CHEK1: variants seen among roughly 807,000 people sequenced by gnomAD.
CHEK1 encodes the protein serine/threonine-protein kinase Chk1.
Under a neutral mutation model 60.2 loss-of-function variants are expected in CHEK1, and 32 were observed. The ratio of observed to expected loss-of-function variants is 0.53; its 90% CI spans 0.40 to 0.71. The LOEUF is 0.71. CHEK1 is among the 30% of genes least tolerant of loss of function. The pLI, the probability that CHEK1 is intolerant of heterozygous loss-of-function variation, is 0.00. For synonymous variants in CHEK1, 179 were observed against 187.2 expected, an observed-to-expected ratio of 0.96 and a Z score of 0.36; for missense variants, 399 against 564.6, an observed-to-expected ratio of 0.71 and a Z score of 2.97.
intron 11 of CHEK1, among the ~76,000 whole-genome samples, chr11:125,644,900 C>T (rs1160761309): frequency 6.6e-5 from 10 of 151,850 alleles, no homozygotes; most frequent in African/African-American, 2.2e-4. Flanking sequence ...CCCAGCTTCT[C>T]GGGAGGCTGA....
chr11:125,627,333 G>A (rs185105528), intron 2 of CHEK1, among the ~76,000 whole-genome samples: 1 of 152,336 alleles, frequency 6.6e-6, no homozygotes, highest in East Asian at 1.9e-4. Context: ...ATGTATATAT[G>A]TGATGTGGCT....
chr11:125,647,112 A>G (rs971269813), intron 11 of CHEK1, among the ~76,000 whole-genome samples: 1 of 152,182 alleles, frequency 6.6e-6, no homozygotes, highest in African/African-American at 2.4e-5. Flanking sequence ...AGCGGGGACT[A>G]CAGTCTTAAA....
intron 11 of CHEK1, 23 bp downstream of exon 11, chr11:125,644,666 A>G: frequency 1.9e-6 from 3 of 1,606,104 alleles, no homozygotes; most frequent in South Asian, 1.1e-5. Context: ...GATTTTCATT[A>G]TACCTTTTCC....
chr11:125,625,656 G>C lies in CHEK1; in HGVS notation c.-377G>C, dbSNP rs1309056664. 1.7e-6 allele frequency: 1 copy of C among 600,968 alleles called. No individual in the cohort carries two copies. Among genetic ancestry groups the C allele is most frequent in the Non-Finnish European group, 3.0e-6 (1 of 334,732 alleles). 37.2% of individuals were successfully genotyped at this position (600,968 alleles called of 1,614,324 possible). On this transcript the variant is annotated 5_prime_UTR_variant, in exon 1 of 13. Coordinates refer to ENST00000438015, the MANE Select transcript of CHEK1 (RefSeq NM_001114122.3). ...GCAGCGCGGTCGGTCGCGCGCCCCTGAGGCTTGGAGGCCTGGGCTTCCCCC... is the reference window on the plus strand; with the variant it reads ...GCAGCGCGGTCGGTCGCGCGCCCCTCAGGCTTGGAGGCCTGGGCTTCCCCC...
chr11:125,663,607 C>T (rs1370758602), intron 13 of CHEK1, among the ~76,000 whole-genome samples: 1 of 151,950 alleles, frequency 6.6e-6, no homozygotes, highest in African/African-American at 2.4e-5. Flanking sequence ...TCTTCCTTTC[C>T]ATAGATTGTC....
downstream of CHEK1, among the ~76,000 whole-genome samples, chr11:125,679,228 T>TTTTTTTTTTTTTG (rs1454887323): frequency 1.4e-5 from 2 of 145,550 alleles, no homozygotes; most frequent in African/African-American, 5.1e-5. Flanking sequence ...TTTTTTTTTT[T>TTTTTTTTTTTTTG]TGTTTCAAAG....
At chr11:125,651,558 G>C (rs1305332406) in intron 11 of CHEK1, among the ~76,000 whole-genome samples, 1 of 152,122 alleles carries the variant, frequency 6.6e-6, no homozygotes, top group Non-Finnish European at 1.5e-5. Context: ...CAAGTGTTGG[G>C]ATTACAGGCA....
intron 8 of CHEK1, among the ~76,000 whole-genome samples, chr11:125,640,539 CAA>C (rs35982773): frequency 2.1e-4 from 21 of 100,206 alleles, no homozygotes; most frequent in Non-Finnish European, 2.1e-4. Context: ...GACTCCGTCT[CAA>C]AAAAAAAAAA....
intron 13 of CHEK1, chr11:125,672,310 A>G (rs752468420): frequency 1.8e-5 from 5 of 284,244 alleles, no homozygotes; most frequent in African/African-American, 8.8e-5. Context: ...AATGGGGGAA[A>G]AAAAGGTCTG....
At chr11:125,644,827 G>T (rs1941440704) in intron 11 of CHEK1, among the ~76,000 whole-genome samples, 184 bp downstream of exon 11, 1 of 152,062 alleles carries the variant, frequency 6.6e-6, no homozygotes, top group African/African-American at 2.4e-5. Flanking sequence ...TGGCCAACAT[G>T]GTAAGACCCT....
downstream of CHEK1, chr11:125,657,264 A>T (rs907231662): frequency 1.8e-5 from 2 of 113,910 alleles, no homozygotes; most frequent in African/African-American, 3.1e-5. Context: ...TAATTATATA[A>T]AAATATGTGT....
rs550412202 is a variant in CHEK1 at position 125,656,941 on chromosome 11, A to G, written c.*1621A>G. On this transcript the variant is annotated 3_prime_UTR_variant, in exon 13 of 13. Transcript: ENST00000438015. ...TCTGAACACTGGTAATTGCCTCAGT[A>G]AAGACACTGATAATAAGTACCTTTT... The G allele has an allele frequency of 8.2e-4, 165 of 201,974 alleles. No homozygotes were observed. Among genetic ancestry groups the G allele is most frequent in the African/African-American group, 3.6e-3 (156 of 43,678 alleles). The allele number at this position is 201,974 out of a possible 1,614,324, so 12.5% of individuals were successfully genotyped here.
chr11:125,678,261 A>G (rs754410980), downstream of CHEK1: 14 of 1,614,084 alleles, frequency 8.7e-6, no homozygotes, highest in African/African-American at 6.7e-5. Flanking sequence ...TTGATGATCT[A>G]TGGAGCCAGA....
rs1378667515 is a variant in CHEK1 at position 125,655,836 on chromosome 11, G to C, written c.*516G>C. ...GTACTTATATTTTCAAAAGGGCCTG[G>C]CCAGTTATATAAACCTGTTTTTGAA... On this transcript the variant is annotated 3_prime_UTR_variant, in exon 13 of 13. Coordinates refer to ENST00000438015, the MANE Select transcript of CHEK1 (RefSeq NM_001114122.3). 2 of 212,920 alleles carry C rather than the reference G, an allele frequency of 9.4e-6. No homozygotes were observed. The highest frequency in any genetic ancestry group is 3.7e-4 in the South Asian group (2 of 5,368). 13.2% of individuals were successfully genotyped at this position (212,920 alleles called of 1,614,324 possible). A position where few individuals can be genotyped will look rare whatever the true frequency, so the allele number is the denominator to read the frequency against.
intron 8 of CHEK1, among the ~76,000 whole-genome samples, chr11:125,641,279 C>G (rs1245320100): frequency 6.6e-6 from 1 of 152,096 alleles, no homozygotes; most frequent in East Asian, 1.9e-4. Context: ...AGGCGTTACA[C>G]TCTTCTGATT....
intron 11 of CHEK1, among the ~76,000 whole-genome samples, chr11:125,645,127 AT>A (rs1319934542): frequency 2.0e-5 from 3 of 152,026 alleles, no homozygotes; most frequent in Non-Finnish European, 4.4e-5. Context: ...TTATTTTTTA[AT>A]TTTTAATTTT....
chr11:125,626,916 G>C (rs1940638770), intron 2 of CHEK1, 83 bp downstream of exon 2: 28 of 1,429,612 alleles, frequency 2.0e-5, no homozygotes, highest in Middle Eastern at 3.5e-4. Flanking sequence ...TTAGAAAGTA[G>C]ATGTTTGAGA....
intron 5 of CHEK1, 113 bp downstream of exon 5, chr11:125,629,573 AT>A: frequency 2.7e-6 from 2 of 729,460 alleles, no homozygotes; most frequent in Non-Finnish European, 4.2e-6. Flanking sequence ...GTCTTTTTGC[AT>A]TACTGGAATT....
intron 8 of CHEK1, 91 bp from the exon 9 acceptor site, chr11:125,643,701 A>G: frequency 1.2e-6 from 1 of 867,176 alleles, no homozygotes; most frequent in South Asian, 1.9e-5. Flanking sequence ...ATTTAGACAT[A>G]GTTTTACTTC....
Sources: gnomAD v4.1 joint callset for allele counts (sites outside exome capture counted in the v4.1 genomes callset) on GRCh38, gnomAD v4.1.1 for gene constraint, MANE v1.5 for transcripts, NCBI Gene and HGNC (gene_info 2026-07-23, HGNC 2026-07-21) for gene names.